Variants in DIS3L2 observed in about 807,000 individuals in gnomAD.
DIS3L2 encodes DIS3-like exonuclease 2.
A neutral mutation model predicts 97.5 loss-of-function variants in DIS3L2; 34 were observed. The ratio of observed to expected loss-of-function variants is 0.35; its 90% CI spans 0.27 to 0.46. DIS3L2 has a LOEUF of 0.46. Among genes scored for constraint, DIS3L2 ranks in the 20% least tolerant of loss-of-function variants. The probability of loss-of-function intolerance (pLI) is 1.00; values close to 1 mark genes in which losing one functional copy is unlikely to be tolerated. For missense variants in DIS3L2, 1,038 were observed against 1,146.0 expected (o/e 0.91, Z 1.36); for synonymous variants, 435 against 445.2 (o/e 0.98, Z 0.29).
chr2:232,024,530 A>G lies in DIS3L2; in HGVS notation c.264+200A>G, dbSNP rs1694606650. 3.3e-5 allele frequency among the ~76,000 whole-genome samples: 5 copies of G among 152,226 alleles called. 1 individual carries two copies. The highest frequency in any genetic ancestry group is 2.6e-4 in the Admixed American group (4 of 15,278). Reference sequence around the variant, plus strand: ...TCTGTCAGTCTTAAAATCGCATGCCAAATGAAAGGGATGGCATTTGTTACA... The same window carrying G: ...TCTGTCAGTCTTAAAATCGCATGCCGAATGAAAGGGATGGCATTTGTTACA... On this transcript the variant is annotated intron_variant, in intron 4 of 20. Coordinates refer to ENST00000325385, the MANE Select transcript of DIS3L2 (RefSeq NM_152383.5).
chr2:232,083,184 T>A (rs1696456794), intron 5 of DIS3L2, among the ~76,000 whole-genome samples: 1 of 152,010 alleles, frequency 6.6e-6, no homozygotes, highest in African/African-American at 2.4e-5. Flanking sequence ...TGTCGCCTTC[T>A]CTTCCCATTC....
chr2:232,083,725 C>T (rs183481000), intron 5 of DIS3L2, among the ~76,000 whole-genome samples: 2 of 152,238 alleles, frequency 1.3e-5, no homozygotes, highest in Non-Finnish European at 2.9e-5. Context: ...GAACTCCTGA[C>T]TGCAAGTGAT....
chr2:232,118,026 A>G (rs1234947907), intron 6 of DIS3L2, among the ~76,000 whole-genome samples: 1 of 152,186 alleles, frequency 6.6e-6, no homozygotes, highest in Non-Finnish European at 1.5e-5. Context: ...CTGGGGAAAG[A>G]TCTGCTTCCA....
At chr2:232,013,205 T>C (rs544805611) in intron 1 of DIS3L2, among the ~76,000 whole-genome samples, 11 of 152,246 alleles carry the variant, frequency 7.2e-5, no homozygotes, top group Non-Finnish European at 1.6e-4. Flanking sequence ...CTGTCTGTCC[T>C]GATTTTCTCC....
intron 6 of DIS3L2, among the ~76,000 whole-genome samples, chr2:232,123,837 T>C (rs1697976532): frequency 6.6e-6 from 1 of 152,156 alleles, no homozygotes; most frequent in Admixed American, 6.6e-5. Context: ...CCCAAAGGGC[T>C]ACACCATCAG....
At position 232,136,737 on chromosome 2, in the gene DIS3L2, G is replaced by A; in HGVS notation, c.950+18G>A. ...GCCCTGGGGTAGGTGATCTCTGGTAGGAAAAACCACAGGTCACAGGCAGAA... is the reference window on the plus strand; with the variant it reads ...GCCCTGGGGTAGGTGATCTCTGGTAAGAAAAACCACAGGTCACAGGCAGAA... On this transcript the variant is annotated intron_variant, in intron 8 of 20. Coordinates refer to ENST00000325385, the MANE Select transcript of DIS3L2 (RefSeq NM_152383.5). The A allele has an allele frequency of 6.2e-7, 1 of 1,610,602 alleles. No homozygotes were observed. Among genetic ancestry groups the A allele is most frequent in the Non-Finnish European group, 8.5e-7 (1 of 1,177,418 alleles).
chr2:232,338,177 C>T (rs375373438), downstream of DIS3L2, among the ~76,000 whole-genome samples: 23 of 152,232 alleles, frequency 1.5e-4, no homozygotes, highest in African/African-American at 4.6e-4. Context: ...CTTCCCCTCC[C>T]CTCCATGCTG....
intron 9 of DIS3L2, among the ~76,000 whole-genome samples, chr2:232,186,799 A>G (rs1343788): frequency 0.47 from 71,068 of 152,100 alleles, 19,163 homozygotes; most frequent in Non-Finnish European, 0.61. Flanking sequence ...TTAATGTATC[A>G]TGTGTACAAA....
At chr2:232,207,296 G>T (rs1692053329) in intron 9 of DIS3L2, among the ~76,000 whole-genome samples, 1 of 152,104 alleles carries the variant, frequency 6.6e-6, no homozygotes, top group Non-Finnish European at 1.5e-5. Flanking sequence ...TCTTTACCTT[G>T]TGAGCCAAGT....
At chr2:232,299,209 G>A (rs77314570) in intron 13 of DIS3L2, among the ~76,000 whole-genome samples, 1 of 152,036 alleles carries the variant, frequency 6.6e-6, no homozygotes, top group Non-Finnish European at 1.5e-5. Context: ...CTCTATCCCA[G>A]CCCCCCTGGC....
At chr2:232,130,823 C>A in intron 7 of DIS3L2, 104 bp downstream of exon 7, 17 of 1,367,492 alleles carry the variant, frequency 1.2e-5, no homozygotes, top group Admixed American at 3.2e-5. Flanking sequence ...GTCATTTAAT[C>A]AGAAAAGTTA....
chr2:232,088,416 G>T (rs965590827), intron 6 of DIS3L2, among the ~76,000 whole-genome samples: 9 of 141,962 alleles, frequency 6.3e-5, no homozygotes, highest in Non-Finnish European at 3.0e-5. Flanking sequence ...AAAAAAAATA[G>T]CCGGGAGTTG....
intron 13 of DIS3L2, among the ~76,000 whole-genome samples, chr2:232,277,022 G>GGA (rs1341609338): frequency 6.6e-6 from 1 of 152,228 alleles, no homozygotes; most frequent in Non-Finnish European, 1.5e-5. Context: ...GCCATGGCAT[G>GGA]GAGACATCGC....
intron 4 of DIS3L2, among the ~76,000 whole-genome samples, chr2:232,026,914 T>C (rs1252464449): frequency 6.6e-6 from 1 of 152,178 alleles, no homozygotes; most frequent in African/African-American, 2.4e-5. Context: ...CTATGCCTCT[T>C]TTATTCTTTT....
chr2:232,005,351 C>T (rs1207318328), intron 1 of DIS3L2, among the ~76,000 whole-genome samples: 1 of 152,044 alleles, frequency 6.6e-6, no homozygotes, highest in Non-Finnish European at 1.5e-5. Context: ...GTCTACATGG[C>T]TAAGGGGTCA....
chr2:232,283,847 A>T (rs925869809), intron 13 of DIS3L2, among the ~76,000 whole-genome samples: 2 of 152,142 alleles, frequency 1.3e-5, no homozygotes, highest in African/African-American at 4.8e-5. Flanking sequence ...CTGTATGTAG[A>T]TTGCCATGGC....
chr2:232,120,531 A>G (rs1367054758), intron 6 of DIS3L2, among the ~76,000 whole-genome samples: 3 of 152,286 alleles, frequency 2.0e-5, no homozygotes, highest in Admixed American at 1.3e-4. Flanking sequence ...GACGGGCTCA[A>G]TGACAAGCTA....
chr2:232,246,099 T>C (rs1406100367), intron 11 of DIS3L2, among the ~76,000 whole-genome samples: 1 of 152,126 alleles, frequency 6.6e-6, no homozygotes, highest in African/African-American at 2.4e-5. Context: ...TCAAGGCACC[T>C]GAAGAAGCAA....
intron 8 of DIS3L2, among the ~76,000 whole-genome samples, chr2:232,156,159 C>G (rs1690488870): frequency 6.6e-6 from 1 of 152,116 alleles, no homozygotes; most frequent in Admixed American, 6.6e-5. Context: ...ATTTTCCTCA[C>G]TTTTCTCAAG....
Sources: allele counts gnomAD v4.1 joint callset (sites outside exome capture counted in the v4.1 genomes callset), GRCh38; gene constraint gnomAD v4.1.1; transcripts MANE v1.5; gene names NCBI Gene and HGNC (gene_info 2026-07-23, HGNC 2026-07-21).